Variants in EIF4G3 observed in about 807,000 individuals in gnomAD.
EIF4G3 encodes eukaryotic translation initiation factor 4 gamma 3, also known as eIF-4-gamma 3.
A neutral mutation model predicts 186.4 loss-of-function variants in EIF4G3; 34 were observed. The observed-to-expected ratio is 0.18, with a 90% CI of 0.14 to 0.24. The LOEUF is 0.24. Ranked by LOEUF, EIF4G3 falls within the 10% of genes least tolerant of loss-of-function variation. EIF4G3 has a pLI of 1.00. For synonymous variants in EIF4G3, 673 were observed against 679.5 expected (o/e 0.99, Z 0.15); for missense variants, 1,536 against 1,948.5 (o/e 0.79, Z 3.99).
intron 29 of EIF4G3, among the ~76,000 whole-genome samples, chr1:20,843,389 C>T (rs1032319037): frequency 4.6e-5 from 7 of 151,968 alleles, no homozygotes; most frequent in Middle Eastern, 3.4e-3. Flanking sequence ...TAGTGGCACA[C>T]GCCTGTAATC....
intron 3 of EIF4G3, among the ~76,000 whole-genome samples, chr1:21,052,095 A>G (rs1361829396): frequency 1.3e-5 from 2 of 152,238 alleles, no homozygotes; most frequent in Admixed American, 1.3e-4. Context: ...ATATAATACA[A>G]TAATCACAAA....
intron 2 of EIF4G3, among the ~76,000 whole-genome samples, chr1:21,161,132 C>CA (rs2097760042): frequency 6.6e-6 from 1 of 151,840 alleles, no homozygotes; most frequent in Non-Finnish European, 1.5e-5. Context: ...CATCGCACCA[C>CA]TGCACTCCAG....
chr1:20,894,657 G>A (rs2087314172), intron 17 of EIF4G3, among the ~76,000 whole-genome samples: 1 of 152,098 alleles, frequency 6.6e-6, no homozygotes, highest in Non-Finnish European at 1.5e-5. Context: ...TCGGTTAAGA[G>A]GTAGATATGA....
intron 3 of EIF4G3, among the ~76,000 whole-genome samples, chr1:21,085,341 G>T (rs184155737): frequency 2.6e-5 from 4 of 152,110 alleles, no homozygotes; most frequent in Non-Finnish European, 1.5e-5. Flanking sequence ...AGTACTTTTT[G>T]AAAAAACTAT....
chr1:20,994,669 C>T (rs1413760747), intron 7 of EIF4G3, among the ~76,000 whole-genome samples: 1 of 134,376 alleles, frequency 7.4e-6, no homozygotes, highest in Non-Finnish European at 1.6e-5. Context: ...CACTCTTTCA[C>T]CCAGGCTGAG....
chr1:20,936,262 G>A (rs1352421428), intron 14 of EIF4G3, among the ~76,000 whole-genome samples: 1 of 152,154 alleles, frequency 6.6e-6, no homozygotes, highest in Non-Finnish European at 1.5e-5. Context: ...AGGCAGCTTT[G>A]TTGGAAACAG....
At chr1:20,959,138 AT>A (rs35575910) in intron 12 of EIF4G3, among the ~76,000 whole-genome samples, 4,171 of 152,206 alleles carry the variant, frequency 0.027, 88 homozygotes, top group Non-Finnish European at 0.038. Flanking sequence ...ATTACTTCAA[AT>A]CATACAAGGT....
At chr1:21,051,015 A>C in intron 3 of EIF4G3, 21 bp from the exon 4 acceptor site, 1 of 717,112 alleles carries the variant, frequency 1.4e-6, no homozygotes, top group Non-Finnish European at 2.6e-6. Context: ...ATCAATATTT[A>C]GTAAGAACAT....
intron 35 of EIF4G3, among the ~76,000 whole-genome samples, chr1:20,811,701 G>A (rs945055820): frequency 6.6e-6 from 1 of 152,162 alleles, no homozygotes; most frequent in African/African-American, 2.4e-5. Context: ...GGTAAGTGAG[G>A]TGATAGATAT....
intron 2 of EIF4G3, among the ~76,000 whole-genome samples, chr1:21,130,055 TA>T (rs1310710915): frequency 6.6e-6 from 1 of 151,828 alleles, no homozygotes; most frequent in African/African-American, 2.4e-5. Flanking sequence ...TTTAAGACTC[TA>T]AAGCCTGTGG....
At chr1:20,927,992 G>C (rs2095041060) in intron 14 of EIF4G3, among the ~76,000 whole-genome samples, 1 of 151,954 alleles carries the variant, frequency 6.6e-6, no homozygotes, top group South Asian at 2.1e-4. Flanking sequence ...AGAGTAGCTG[G>C]GACTACAAGC....
chr1:20,815,505 C>T lies in EIF4G3; in HGVS notation c.4515+1887G>A, dbSNP rs1418122453. On this transcript the variant is annotated intron_variant, in intron 34 of 36. Transcript: ENST00000602326. Reference sequence around the variant, plus strand: ...CTGGGAGGTGAGGAGCGTCTCTGCCCGGCCGCCCCGTCTGAGAAGTGAGGA... The same window carrying T: ...CTGGGAGGTGAGGAGCGTCTCTGCCTGGCCGCCCCGTCTGAGAAGTGAGGA... Among the ~76,000 whole-genome samples the T allele has an allele frequency of 6.0e-3, 917 of 151,854 alleles. 7 individuals carry two copies. Among genetic ancestry groups the T allele is most frequent in the African/African-American group, 0.021 (881 of 41,376 alleles).
At chr1:21,084,094 T>C (rs1432347848) in intron 3 of EIF4G3, among the ~76,000 whole-genome samples, 2 of 152,142 alleles carry the variant, frequency 1.3e-5, no homozygotes, top group African/African-American at 2.4e-5. Context: ...AAAAGTAAAT[T>C]CACACCTACT....
chr1:21,103,714 T>C (rs1233459625), intron 2 of EIF4G3, among the ~76,000 whole-genome samples: 2 of 152,012 alleles, frequency 1.3e-5, no homozygotes, highest in African/African-American at 4.8e-5. Flanking sequence ...TGTGGTGGCA[T>C]GTGTCTGTAG....
intron 12 of EIF4G3, among the ~76,000 whole-genome samples, chr1:20,952,173 T>G (rs1357088329): frequency 1.3e-5 from 1 of 79,940 alleles, no homozygotes; most frequent in East Asian, 3.7e-4. Context: ...TTTTTTTTTT[T>G]GAGACGGAGT....
At chr1:21,169,115 G>A (rs2097911299) in intron 2 of EIF4G3, among the ~76,000 whole-genome samples, 1 of 152,050 alleles carries the variant, frequency 6.6e-6, no homozygotes, top group Non-Finnish European at 1.5e-5. Flanking sequence ...AGGCTGTAGT[G>A]AGCCATGACC....
intron 30 of EIF4G3, among the ~76,000 whole-genome samples, chr1:20,839,759 G>A (rs898027694): frequency 1.3e-5 from 2 of 152,076 alleles, no homozygotes; most frequent in African/African-American, 4.8e-5. Context: ...AAAGTGCTGG[G>A]ATTACAGGTG....
chr1:21,176,226 A>ACCGCCG lies in EIF4G3; in HGVS notation c.-324_-323insCGGCGG, dbSNP rs1553339098. On this transcript the variant is annotated 5_prime_UTR_variant, in exon 2 of 37. Coordinates refer to ENST00000602326, the MANE Select transcript of EIF4G3 (RefSeq NM_001391906.1). ...CCTGATGTTCGGGTGAGGAGGGGGG[A>ACCGCCG]CCGCTGCCGCCGCCGCCGCCGCCGC... 5.0e-6 allele frequency: 2 copies of ACCGCCG among 400,548 alleles called. No homozygotes were observed. The highest frequency in any genetic ancestry group is 2.3e-5 in the African/African-American group (1 of 43,440). The allele number at this position is 400,548 out of a possible 1,614,324, so 24.8% of individuals were successfully genotyped here. A position where few individuals can be genotyped will look rare whatever the true frequency, so the allele number is the denominator to read the frequency against.
In EIF4G3 at chr1:21,078,192, C is replaced by T. The variant is rs571775733; in HGVS notation, c.-196+10946G>A. Among the ~76,000 whole-genome samples, 122 of 152,216 alleles carry T rather than the reference C, an allele frequency of 8.0e-4. 1 individual carries two copies. In the South Asian group the frequency reaches 0.012, roughly 15 times the overall value. ...CCCGTGTTTACTGTAGCGCTATTCA[C>T]AATAGCCAAGATGTGGATCAATGTA... is the stretch of plus-strand genomic sequence containing the variant. On this transcript the variant is annotated intron_variant, in intron 3 of 36. Coordinates refer to ENST00000602326, the MANE Select transcript of EIF4G3 (RefSeq NM_001391906.1).
Sources: gnomAD v4.1 joint callset for allele counts (sites outside exome capture counted in the v4.1 genomes callset) on GRCh38, gnomAD v4.1.1 for gene constraint, MANE v1.5 for transcripts, NCBI Gene and HGNC (gene_info 2026-07-23, HGNC 2026-07-21) for gene names.